DMD: variants seen among roughly 807,000 people sequenced by gnomAD.
DMD encodes mutant dystrophin.
In DMD, 63 loss-of-function variants were observed where a neutral mutation model predicts 330.1. That is an observed-to-expected ratio of 0.19 (90% CI 0.16 to 0.24). DMD has a LOEUF of 0.24. Among genes scored for constraint, DMD ranks in the 10% least tolerant of loss-of-function variants. The pLI, the probability that DMD is intolerant of heterozygous loss-of-function variation, is 1.00. For synonymous variants in DMD, 1,223 were observed against 959.8 expected (o/e 1.27, Z -5.07); for missense variants, 3,344 against 2,684.1 (o/e 1.25, Z -5.43).
At chrX:31,310,521 A>T (rs1234008799) in intron 62 of DMD, among the ~76,000 whole-genome samples, 1 of 105,652 alleles carries the variant, frequency 9.5e-6, no homozygotes, top group Non-Finnish European at 2.0e-5. Flanking sequence ...CATTTTTCGG[A>T]TAGAGATTTT....
chrX:33,117,551 A>G (rs146892239), intron 1 of DMD, among the ~76,000 whole-genome samples: 2,035 of 111,421 alleles, frequency 0.018, 20 homozygotes, highest in Non-Finnish European at 0.029. Context: ...TTATTATTAC[A>G]TTTTATTGTT....
intron 60 of DMD, among the ~76,000 whole-genome samples, chrX:31,383,257 CT>C (rs1429645447): frequency 1.8e-5 from 2 of 111,694 alleles, no homozygotes; most frequent in Non-Finnish European, 3.8e-5. Context: ...GGCCCTACCC[CT>C]ATCTCCCTTC....
chrX:31,664,074 G>A (rs371000753), intron 53 of DMD, among the ~76,000 whole-genome samples: 7 of 111,617 alleles, frequency 6.3e-5, no homozygotes, highest in African/African-American at 2.3e-4. Flanking sequence ...ATTGAGCTTG[G>A]TCATGCGCCT....
intron 1 of DMD, among the ~76,000 whole-genome samples, chrX:33,129,524 C>A (rs867502452): frequency 9.9e-6 from 1 of 101,510 alleles, no homozygotes; most frequent in African/African-American, 3.6e-5. Flanking sequence ...AGGTTTCAAA[C>A]AAAAAAAAAA....
At chrX:32,285,253 A>G (rs565399672) in intron 43 of DMD, among the ~76,000 whole-genome samples, 3 of 111,530 alleles carry the variant, frequency 2.7e-5, no homozygotes, top group East Asian at 2.8e-4. Context: ...AACACTGACT[A>G]TAAGAAGACA....
chrX:32,718,636 T>C (rs959888033), intron 7 of DMD, among the ~76,000 whole-genome samples: 4 of 112,152 alleles, frequency 3.6e-5, no homozygotes, highest in African/African-American at 1.3e-4. Flanking sequence ...GATATATTAC[T>C]TTTGCTTTTA....
At position 32,094,232 on chromosome X, in the gene DMD, T is replaced by C. The variant is rs770826561; in HGVS notation, c.6438+122684A>G. ...AGGCAGTAGTGACCATGGTCACCTA[T>C]ACTTTAATAGTTTTTAGAACAACTT... On this transcript the variant is annotated intron_variant, in intron 44 of 78. Transcript: ENST00000357033. Among the ~76,000 whole-genome samples, 405 of 112,191 alleles carry C rather than the reference T, an allele frequency of 3.6e-3. 1 individual carries two copies. The highest frequency in any genetic ancestry group is 0.014 in the Middle Eastern group (3 of 213).
chrX:32,287,019 A>G (rs1344337359), intron 43 of DMD, among the ~76,000 whole-genome samples: 1 of 111,627 alleles, frequency 9.0e-6, no homozygotes, highest in Non-Finnish European at 1.9e-5. Context: ...ATTAAGATAA[A>G]AAGAAACATG....
At chrX:32,755,859 T>C (rs192524500) in intron 7 of DMD, among the ~76,000 whole-genome samples, 1 of 112,048 alleles carries the variant, frequency 8.9e-6, no homozygotes, top group African/African-American at 3.2e-5. Flanking sequence ...TGGGTTTCGC[T>C]TGTGCTATAT....
chrX:32,269,450 CT>C (rs1186832998), intron 43 of DMD, among the ~76,000 whole-genome samples: 2 of 111,797 alleles, frequency 1.8e-5, no homozygotes, highest in Non-Finnish European at 3.8e-5. Flanking sequence ...ACTTTCATTC[CT>C]GCTCTAACAC....
At chrX:32,719,870 C>G (rs1268825254) in intron 7 of DMD, among the ~76,000 whole-genome samples, 2 of 110,239 alleles carry the variant, frequency 1.8e-5, no homozygotes, top group Non-Finnish European at 3.8e-5. Context: ...ACGTTTATCA[C>G]CAGATAGACT....
At chrX:32,734,303 A>T (rs1170657807) in intron 7 of DMD, among the ~76,000 whole-genome samples, 4 of 88,491 alleles carry the variant, frequency 4.5e-5, no homozygotes, top group Non-Finnish European at 8.1e-5. Context: ...GTCCAGGACC[A>T]GATGGATTCA....
intron 43 of DMD, among the ~76,000 whole-genome samples, chrX:32,279,514 A>G (rs2097404659): frequency 1.8e-5 from 2 of 111,251 alleles, no homozygotes; most frequent in South Asian, 7.6e-4. Context: ...TTGCAACATC[A>G]TGGATGGAAC....
At chrX:32,973,482 G>C (rs916300612) in intron 2 of DMD, among the ~76,000 whole-genome samples, 3 of 111,885 alleles carry the variant, frequency 2.7e-5, no homozygotes, top group East Asian at 5.6e-4. Context: ...CTACTACCTT[G>C]TTTGCTAGAA....
chrX:32,121,829 A>C (rs1360795996), intron 44 of DMD, among the ~76,000 whole-genome samples: 3 of 107,016 alleles, frequency 2.8e-5, no homozygotes, highest in African/African-American at 1.0e-4. Context: ...TTGACAGAGC[A>C]CAGACAACAG....
rs2098295452 is a variant in DMD, at chrX:32,444,490, G to T, written c.3787-3176C>A. 3.6e-5 allele frequency among the ~76,000 whole-genome samples: 4 copies of T among 111,180 alleles called. No homozygotes were observed. In the Admixed American group the frequency reaches 3.8e-4, roughly 11 times the overall value. On this transcript the variant is annotated intron_variant, in intron 27 of 78. Coordinates refer to ENST00000357033, the MANE Select transcript of DMD (RefSeq NM_004006.3). ...TCACTTCCATTAGAGGGAGTCATTA[G>T]TTGTAACAAATGGTAGAATCCATAC...
intron 11 of DMD, among the ~76,000 whole-genome samples, chrX:32,638,351 G>T (rs760971863): frequency 3.6e-5 from 4 of 111,992 alleles, no homozygotes; most frequent in African/African-American, 9.7e-5. Flanking sequence ...TAGAAAAATA[G>T]GAACAGAAGA....
At chrX:33,022,832 A>G (rs1469139182) in intron 1 of DMD, among the ~76,000 whole-genome samples, 1 of 111,694 alleles carries the variant, frequency 9.0e-6, no homozygotes, top group Non-Finnish European at 1.9e-5. Flanking sequence ...TCAGAGTCAC[A>G]AAAGGTGAAC....
intron 68 of DMD, among the ~76,000 whole-genome samples, chrX:31,182,438 A>G (rs1406260352): frequency 4.5e-5 from 5 of 112,148 alleles, no homozygotes; most frequent in Non-Finnish European, 9.4e-5. Flanking sequence ...GAGGAGGTAC[A>G]GTTCATCTGT....
Sources: gnomAD v4.1 joint callset for allele counts (sites outside exome capture counted in the v4.1 genomes callset) on GRCh38, gnomAD v4.1.1 for gene constraint, MANE v1.5 for transcripts, NCBI Gene and HGNC (gene_info 2026-07-23, HGNC 2026-07-21) for gene names.